Variants in MYO18A observed in about 807,000 individuals in gnomAD.
MYO18A encodes unconventional myosin-XVIIIa.
A neutral mutation model predicts 235.8 loss-of-function variants in MYO18A; 78 were observed. The observed-to-expected ratio is 0.33, with a 90% CI of 0.28 to 0.40. The LOEUF (loss-of-function observed/expected upper bound fraction) is 0.40, where lower values mean the gene tolerates loss of function less well. Ranked by LOEUF, MYO18A falls within the 10% of genes least tolerant of loss-of-function variation. The pLI is 1.00. For synonymous variants in MYO18A, 977 were observed against 1,077.8 expected, an observed-to-expected ratio of 0.91 and a Z score of 1.83; for missense variants, 2,215 against 2,699.3, an observed-to-expected ratio of 0.82 and a Z score of 3.98.
rs1249932300 is a variant in MYO18A, at chr17:29,074,962, T to C, written c.6021-48A>G. ...TTAGGGACAAATGACACTCCTACCA[T>C]TAAGCACGCACGCCTTTGGTTCTGG... On this transcript the variant is annotated intron_variant, in intron 41 of 41. Coordinates refer to ENST00000527372, the MANE Select transcript of MYO18A (RefSeq NM_078471.4). This position sits in a 1 kb window ranked among gnomAD's most constrained non-coding sequence, Gnocchi z 4.4. 6.2e-7 allele frequency: 1 copy of C among 1,606,438 alleles called. No individual in the cohort carries two copies. Among genetic ancestry groups the C allele is most frequent in the Non-Finnish European group, 8.5e-7 (1 of 1,174,124 alleles).
chr17:29,076,144 C>T lies in MYO18A; in HGVS notation c.6021-1230G>A, dbSNP rs1406309032. ...GAGTACTCCTATGTGTAAGACACGGCCTAGGCATGTGAGATAGGCTATCTT... is the reference window on the plus strand; with the variant it reads ...GAGTACTCCTATGTGTAAGACACGGTCTAGGCATGTGAGATAGGCTATCTT... On this transcript the variant is annotated intron_variant, in intron 41 of 41. Transcript: ENST00000527372. 2.6e-5 allele frequency: 4 copies of T among 153,856 alleles called. No homozygotes were observed. The Admixed American group carries it at 2.6e-4, about 10-fold the overall frequency. The allele number at this position is 153,856 out of a possible 1,614,324, so 9.5% of individuals were successfully genotyped here.
intron 2 of MYO18A, among the ~76,000 whole-genome samples, chr17:29,154,121 TGCGCGC>T (rs1555539119): frequency 3.4e-4 from 51 of 149,104 alleles, no homozygotes; most frequent in African/African-American, 1.2e-3. Context: ...TGTGTGTGTG[TGCGCGC>T]GCGTGCGTGT....
intron 2 of MYO18A, among the ~76,000 whole-genome samples, chr17:29,154,121 T>TGTGTGCGCGC (rs142430455): frequency 6.7e-6 from 1 of 149,000 alleles, no homozygotes; most frequent in African/African-American, 2.5e-5. Context: ...TGTGTGTGTG[T>TGTGTGCGCGC]GCGCGCGCGT....
intron 22 of MYO18A, 95 bp downstream of exon 22, chr17:29,099,539 G>T: frequency 2.0e-6 from 3 of 1,481,740 alleles, no homozygotes; most frequent in Non-Finnish European, 9.0e-7. Context: ...GCCCTGGGAG[G>T]TTCCTGCCTC....
intron 1 of MYO18A, among the ~76,000 whole-genome samples, chr17:29,174,672 G>A (rs530750470): frequency 2.6e-5 from 4 of 152,102 alleles, no homozygotes; most frequent in Admixed American, 6.5e-5. Flanking sequence ...AAACTTTGCC[G>A]GCGTAGTGGC....
At chr17:29,124,438 C>T (rs2067271636) in intron 2 of MYO18A, among the ~76,000 whole-genome samples, 1 of 152,230 alleles carries the variant, frequency 6.6e-6, no homozygotes, top group Admixed American at 6.5e-5. Context: ...TCTAGATGCT[C>T]CCCAGGGGCC....
Position 29,126,830 on chromosome 17 carries a change from C to T in MYO18A, c.1000-4577G>A, listed in dbSNP as rs2067333146. On this transcript the variant is annotated intron_variant, in intron 2 of 41. Coordinates refer to ENST00000527372, the MANE Select transcript of MYO18A (RefSeq NM_078471.4). This position sits in a 1 kb window ranked among gnomAD's most constrained non-coding sequence, Gnocchi z 4.1. ...TCCAAGGGAAAGAGGCTGGACTGAC[C>T]CTCCCTCCTGCTTCTCAGCCTCCTG... Among the ~76,000 whole-genome samples the T allele has an allele frequency of 6.6e-6, 1 of 152,126 alleles. No individual in the cohort carries two copies. Among genetic ancestry groups the T allele is most frequent in the Non-Finnish European group, 1.5e-5 (1 of 68,010 alleles).
chr17:29,090,978 G>A, intron 34 of MYO18A, 52 bp from the exon 35 acceptor site: 1 of 1,447,300 alleles, frequency 6.9e-7, no homozygotes, highest in Non-Finnish European at 9.6e-7. Context: ...TGTGCCTGTG[G>A]GCTCCAGCTG....
chr17:29,099,056 G>A lies in MYO18A; in HGVS notation c.3637-87C>T, dbSNP rs543318274. On this transcript the variant is annotated intron_variant, in intron 22 of 41. Transcript: ENST00000527372. Reference sequence around the variant, plus strand: ...CAGGATCCTCCCCACCACCAGCACAGGCCCCCAGGGCTGCTCCTCTGGCCC... The same window carrying A: ...CAGGATCCTCCCCACCACCAGCACAAGCCCCCAGGGCTGCTCCTCTGGCCC... 7.2e-5 allele frequency: 110 copies of A among 1,529,180 alleles called. No homozygotes were observed. The South Asian group carries it at 1.2e-3, about 17-fold the overall frequency. The allele number at this position is 1,529,180 out of a possible 1,614,324, so 94.7% of individuals were successfully genotyped here. A position where few individuals can be genotyped will look rare whatever the true frequency, so the allele number is the denominator to read the frequency against.
At chr17:29,128,987 G>A (rs977941626) in intron 2 of MYO18A, 24 of 1,190,282 alleles carry the variant, frequency 2.0e-5, no homozygotes, top group African/African-American at 3.1e-5. Context: ...AGCATGGAGA[G>A]GTCAAACAGC....
chr17:29,172,792 G>A (rs1171693749), intron 1 of MYO18A, among the ~76,000 whole-genome samples: 3 of 152,288 alleles, frequency 2.0e-5, no homozygotes, highest in African/African-American at 7.2e-5. Context: ...ATAAGCACAA[G>A]GCCAAGCTGG....
At chr17:29,133,935 A>G (rs1233692397) in intron 2 of MYO18A, 2 of 1,118,334 alleles carry the variant, frequency 1.8e-6, no homozygotes, top group Non-Finnish European at 2.4e-6. Flanking sequence ...CTGCCAGGAT[A>G]AACACTGTGG....
Position 29,166,137 on chromosome 17 carries a change from C to T in MYO18A, c.804G>A (p.Leu268=), listed in dbSNP as rs376480072. The change falls in exon 2 of 42, where the codon CTG becomes CTA. Residue 268 remains leucine, a synonymous_variant. Coordinates refer to ENST00000527372, the MANE Select transcript of MYO18A (RefSeq NM_078471.4). Reference sequence around the variant, plus strand: ...CCAGTCGATCTCCTGGCACCAGCCCCAGGGCCAGGTCCTTGGTGCCTGCAC... The same window carrying T: ...CCAGTCGATCTCCTGGCACCAGCCCTAGGGCCAGGTCCTTGGTGCCTGCAC... ...EPGAGTKDLA[L]GLVPGDRLVE... is the part of the protein sequence containing the mutation. 4 of 1,613,224 alleles carry T rather than the reference C, an allele frequency of 2.5e-6. No individual in the cohort carries two copies. The highest frequency in any genetic ancestry group is 3.3e-5 in the Admixed American group (2 of 60,036).
At chr17:29,163,479 G>A (rs1310023890) in intron 2 of MYO18A, among the ~76,000 whole-genome samples, 2 of 152,168 alleles carry the variant, frequency 1.3e-5, no homozygotes, top group Non-Finnish European at 2.9e-5. Flanking sequence ...TGTGTCCTCT[G>A]GCAGATGAAA....
chr17:29,120,593 CG>C lies in MYO18A; in HGVS notation c.1728+22del, dbSNP rs928085957. 6.2e-7 allele frequency: 1 copy of C among 1,607,800 alleles called. No individual in the cohort carries two copies. The highest frequency in any genetic ancestry group is 1.3e-5 in the African/African-American group (1 of 74,812). On this transcript the variant is annotated intron_variant, in intron 7 of 41. Transcript: ENST00000527372. This position sits in a 1 kb window ranked among gnomAD's most constrained non-coding sequence, Gnocchi z 4.2. ...TCATGTGGCCTGTGTCCTACTACCC[CG>C]AGTCCTGGGCAGCACTCTCACCTGA... is the stretch of plus-strand genomic sequence containing the variant.
At chr17:29,168,146 G>A (rs938792525) in intron 1 of MYO18A, among the ~76,000 whole-genome samples, 1 of 144,410 alleles carries the variant, frequency 6.9e-6, no homozygotes, top group Non-Finnish European at 1.5e-5. Flanking sequence ...GGAAGTTCCA[G>A]ACCAAACAGA....
At chr17:29,099,384 CTA>C (rs2066600217) in intron 22 of MYO18A, among the ~76,000 whole-genome samples, 2 of 152,162 alleles carry the variant, frequency 1.3e-5, no homozygotes, top group African/African-American at 4.8e-5. Context: ...ATGGAGCAGC[CTA>C]TGATCCGGAG....
intron 34 of MYO18A, chr17:29,091,442 G>C: frequency 3.0e-6 from 1 of 335,472 alleles, no homozygotes; most frequent in South Asian, 2.3e-5. Context: ...GGAAATGAAT[G>C]AATCTATTAG....
intron 22 of MYO18A, 125 bp from the exon 23 acceptor site, chr17:29,099,094 T>A (rs772345405): frequency 2.7e-4 from 326 of 1,194,714 alleles, no homozygotes; most frequent in Non-Finnish European, 3.8e-4. Context: ...TGACCCCGAG[T>A]CAGATACTTC....
Sources: allele counts gnomAD v4.1 joint callset (sites outside exome capture counted in the v4.1 genomes callset), GRCh38; gene constraint gnomAD v4.1.1; non-coding constraint Gnocchi (gnomAD v3.1); transcripts MANE v1.5; gene names NCBI Gene and HGNC (gene_info 2026-07-23, HGNC 2026-07-21).